REPS2: variants seen among roughly 807,000 people sequenced by gnomAD.
REPS2 encodes the protein ralBP1-associated Eps domain-containing protein 2.
In REPS2, 23 loss-of-function variants were observed where a neutral mutation model predicts 53.6. The observed-to-expected ratio is 0.43, with a 90% CI of 0.31 to 0.61. The LOEUF (loss-of-function observed/expected upper bound fraction) is 0.61. REPS2 is among the 20% of genes least tolerant of loss of function. The probability of loss-of-function intolerance (pLI) is 0.11; values close to 1 mark genes in which losing one functional copy is unlikely to be tolerated. For missense variants in REPS2, 446 were observed against 534.9 expected, an observed-to-expected ratio of 0.83 and a Z score of 1.64; for synonymous variants, 238 against 218.6, an observed-to-expected ratio of 1.09 and a Z score of -0.78.
At chrX:16,970,144 G>T (rs962388114) in intron 1 of REPS2, among the ~76,000 whole-genome samples, 3 of 108,771 alleles carry the variant, frequency 2.8e-5, no homozygotes, top group African/African-American at 1.0e-4. Flanking sequence ...GAACATTCTT[G>T]CAATTATTAT....
chrX:17,101,308 C>G (rs1038157747), intron 13 of REPS2, among the ~76,000 whole-genome samples: 2 of 110,255 alleles, frequency 1.8e-5, no homozygotes, highest in South Asian at 7.7e-4. Context: ...ATGATCTGCC[C>G]GCCTTGGCCT....
At chrX:17,159,736 T>C in the REPS2 span, among the ~76,000 whole-genome samples, 1 of 111,464 alleles carries the variant, frequency 9.0e-6, no homozygotes, top group Non-Finnish European at 1.9e-5. Context: ...TGGTTACCTG[T>C]GAGGCCGTGG....
At chrX:17,030,658 G>A (rs1176819242) in intron 5 of REPS2, among the ~76,000 whole-genome samples, 2 of 112,380 alleles carry the variant, frequency 1.8e-5, no homozygotes, top group African/African-American at 3.2e-5. Flanking sequence ...TAATAATTTA[G>A]CCATAGGCTA....
In REPS2 at chrX:17,054,838, C is replaced by T. The variant is rs1259856434; in HGVS notation, c.1002C>T (p.Ala334=). The T allele has an allele frequency of 9.9e-6, 12 of 1,210,729 alleles. No homozygotes were observed. Among genetic ancestry groups the T allele is most frequent in the Non-Finnish European group, 1.2e-5 (11 of 895,018 alleles). ...WELSDADCDG[A]LTLPEFCAAF... ...TTAGTGATGCTGACTGTGATGGAGCCCTGACCCTGCCTGAGTTCTGTGCTG... is the reference window on the plus strand; with the variant it reads ...TTAGTGATGCTGACTGTGATGGAGCTCTGACCCTGCCTGAGTTCTGTGCTG... Residue 334 remains alanine, a synonymous_variant, in exon 8 of 18, where the codon GCC becomes GCT. Coordinates refer to ENST00000357277, the MANE Select transcript of REPS2 (RefSeq NM_004726.3).
chrX:17,024,357 A>G (rs761281669), intron 3 of REPS2, among the ~76,000 whole-genome samples: 1 of 95,636 alleles, frequency 1.0e-5, no homozygotes, highest in Non-Finnish European at 2.0e-5. Flanking sequence ...CCAGTCTACT[A>G]GTAAAGTTTT....
intron 13 of REPS2, among the ~76,000 whole-genome samples, chrX:17,085,222 CT>C (rs770845025): frequency 2.7e-5 from 3 of 112,249 alleles, no homozygotes; most frequent in Non-Finnish European, 5.6e-5. Context: ...CAGTTCTGTT[CT>C]GTTGGTCTAT....
chrX:16,964,485 C>A (rs1230483683), intron 1 of REPS2, among the ~76,000 whole-genome samples: 2 of 109,221 alleles, frequency 1.8e-5, no homozygotes, highest in African/African-American at 6.7e-5. Flanking sequence ...CACCTTTCCC[C>A]CCTTTCTATT....
At chrX:17,087,425 T>TGGCC (rs1435051520) in intron 13 of REPS2, among the ~76,000 whole-genome samples, 1 of 111,850 alleles carries the variant, frequency 8.9e-6, no homozygotes, top group Non-Finnish European at 1.9e-5. Context: ...GTTGGCTGGC[T>TGGCC]GGCCAAGAAA....
At position 17,080,492 on chromosome X, in the gene REPS2, C is replaced by T. The variant is rs143536192; in HGVS notation, c.1516+3085C>T. On this transcript the variant is annotated intron_variant, in intron 13 of 17. Transcript: ENST00000357277. ...CAGAGGTTATTAATAATTTCATGTCCGTATCTTTGTTTCATCATCTAATTA... is the reference window on the plus strand; with the variant it reads ...CAGAGGTTATTAATAATTTCATGTCTGTATCTTTGTTTCATCATCTAATTA... 7.5e-4 allele frequency among the ~76,000 whole-genome samples: 83 copies of T among 111,294 alleles called. 1 individual carries two copies. In the East Asian group the frequency reaches 0.019, roughly 26 times the overall value.
At chrX:17,063,675 A>G (rs988465046) in intron 9 of REPS2, among the ~76,000 whole-genome samples, 1 of 111,615 alleles carries the variant, frequency 9.0e-6, no homozygotes, top group Non-Finnish European at 1.9e-5. Context: ...TTTCTGCAGA[A>G]TGCTTATGAC....
intron 14 of REPS2, among the ~76,000 whole-genome samples, chrX:17,104,292 A>T (rs1283010808): frequency 8.9e-6 from 1 of 111,900 alleles, no homozygotes; most frequent in Non-Finnish European, 1.9e-5. Flanking sequence ...GAGGGGGAGA[A>T]CATGTCACCA....
chrX:17,008,534 A>G (rs971070396), intron 2 of REPS2, among the ~76,000 whole-genome samples: 10 of 111,921 alleles, frequency 8.9e-5, no homozygotes, highest in Non-Finnish European at 1.9e-4. Flanking sequence ...GAGAGTTTAT[A>G]TATGTCCAGA....
chrX:17,140,392 C>T (rs781172516), intron 17 of REPS2, among the ~76,000 whole-genome samples: 20 of 110,889 alleles, frequency 1.8e-4, no homozygotes, highest in Admixed American at 1.3e-3. Flanking sequence ...GCTGTCTCTT[C>T]CTTCCCTGAC....
the REPS2 span, among the ~76,000 whole-genome samples, chrX:17,178,937 T>C: frequency 2.7e-5 from 3 of 109,519 alleles, no homozygotes; most frequent in East Asian, 8.5e-4. Flanking sequence ...TTAATTTCCA[T>C]AAAGTTTAGT....
At chrX:17,193,250 C>T in the REPS2 span, among the ~76,000 whole-genome samples, 178 of 112,416 alleles carry the variant, frequency 1.6e-3, 2 homozygotes, top group Admixed American at 3.9e-3. Flanking sequence ...TACACCTTGT[C>T]AGCACTTGGT....
chrX:16,999,829 G>A (rs963871418), intron 1 of REPS2, among the ~76,000 whole-genome samples: 18 of 108,001 alleles, frequency 1.7e-4, no homozygotes, highest in African/African-American at 6.1e-4. Context: ...GGCGGATCAC[G>A]AGGTCAGGAG....
intron 1 of REPS2, among the ~76,000 whole-genome samples, chrX:17,001,724 A>G (rs2061309711): frequency 8.9e-6 from 1 of 112,127 alleles, no homozygotes; most frequent in Non-Finnish European, 1.9e-5. Context: ...CGAGACTGGG[A>G]AGAAAAAGAG....
intron 5 of REPS2, among the ~76,000 whole-genome samples, chrX:17,041,849 C>T (rs181888744): frequency 8.9e-6 from 1 of 111,995 alleles, no homozygotes; most frequent in East Asian, 2.8e-4. Context: ...TGCTTCCTTG[C>T]AATTCATATT....
chrX:17,034,927 G>A (rs1234449866), intron 5 of REPS2, among the ~76,000 whole-genome samples: 1 of 110,886 alleles, frequency 9.0e-6, no homozygotes, highest in Non-Finnish European at 1.9e-5. Flanking sequence ...TATTCATCTC[G>A]AAGTGCATAA....
Sources: gnomAD v4.1 joint callset for allele counts (sites outside exome capture counted in the v4.1 genomes callset) on GRCh38, gnomAD v4.1.1 for gene constraint, MANE v1.5 for transcripts, NCBI Gene and HGNC (gene_info 2026-07-23, HGNC 2026-07-21) for gene names.